The following TUT1 variants were observed in gnomAD, a reference collection of about 807,000 sequenced individuals.
The protein encoded by TUT1 is terminal uridylyl transferase 1, U6 snRNA-specific.
TUT1 carries 26 observed loss-of-function variants against 48.8 expected under a neutral mutation model. The ratio of observed to expected loss-of-function variants is 0.53; its 90% confidence interval spans 0.39 to 0.74. The LOEUF is 0.74. Ranked by LOEUF, TUT1 falls within the 30% of genes least tolerant of loss-of-function variation. The pLI, the probability that TUT1 is intolerant of heterozygous loss-of-function variation, is 0.00. For missense variants in TUT1, 1,065 were observed against 1,114.8 expected, an observed-to-expected ratio of 0.96 and a Z score of 0.64; for synonymous variants, 470 against 460.8, an observed-to-expected ratio of 1.02 and a Z score of -0.26.
intron 1 of TUT1, among the ~76,000 whole-genome samples, chr11:62,590,411 C>A (rs561443103): frequency 6.6e-6 from 1 of 151,944 alleles, no homozygotes; most frequent in Non-Finnish European, 1.5e-5. Flanking sequence ...CCGAGGCGGG[C>A]GGGTCACGAG....
chr11:62,575,623 A>C lies in TUT1; in HGVS notation c.2096T>G (p.Met699Arg), dbSNP rs751601557. ...VEEMVIEVGE[M>R]VQDWAMQSPG... ...GCTCTGCATGGCCCAGTCCTGCACC[A>C]TCTCTCCAACCTCTATAACCATCTC... The change falls in exon 9 of 9, where the codon ATG (methionine) becomes AGG (arginine). Residue 699 changes from methionine (M) to arginine (R), a missense_variant. Coordinates refer to ENST00000476907, the MANE Select transcript of TUT1 (RefSeq NM_022830.3). The C allele has an allele frequency of 5.0e-6, 8 of 1,614,104 alleles. No homozygotes were observed. Among genetic ancestry groups the C allele is most frequent in the Non-Finnish European group, 6.8e-6 (8 of 1,180,014 alleles).
Position 62,575,976 on chromosome 11 carries a change from G to C in TUT1, c.1743C>G (p.Arg581=). 2 of 1,614,098 alleles carry C rather than the reference G, an allele frequency of 1.2e-6. No individual in the cohort carries two copies. The highest frequency in any genetic ancestry group is 1.7e-6 in the Non-Finnish European group (2 of 1,180,038). Residue 581 remains arginine, a synonymous_variant, in exon 9 of 9, where the codon CGC becomes CGG. Coordinates refer to ENST00000476907, the MANE Select transcript of TUT1 (RefSeq NM_022830.3). ...ANYCRSLQYQ[R]RSSRGRDWGL... is the part of the protein sequence containing the mutation. The stretch of plus-strand genomic sequence containing the variant: ...CCCAGTCCCGACCCCGGGAGGAACG[G>C]CGCTGGTACTGGAGGCTTCGGCAGT...
At chr11:62,579,751 G>A (rs1278133848) in intron 4 of TUT1, among the ~76,000 whole-genome samples, 3 of 143,110 alleles carry the variant, frequency 2.1e-5, no homozygotes, top group African/African-American at 7.8e-5. Context: ...TGCAACCTCC[G>A]CCTCCTGGGT....
At chr11:62,579,181 T>A (rs1485565695) in intron 4 of TUT1, 151 bp from the exon 5 acceptor site, 12 of 500,310 alleles carry the variant, frequency 2.4e-5, no homozygotes, top group East Asian at 3.6e-5. Flanking sequence ...TTTTTTTTTT[T>A]AAAGATAACC....
intron 2 of TUT1, among the ~76,000 whole-genome samples, chr11:62,585,686 C>G (rs1941900785): frequency 6.6e-6 from 1 of 152,182 alleles, no homozygotes; most frequent in Non-Finnish European, 1.5e-5. Context: ...CAAAAATTAG[C>G]CGGGCATGGT....
At position 62,591,441 on chromosome 11, in the gene TUT1, C is replaced by T. The variant is rs1419277699; in HGVS notation, c.45G>A (p.Gly15=). The change falls in exon 1 of 9, where the codon GGG becomes GGA. Residue 15 remains glycine, a synonymous_variant. Transcript: ENST00000476907. The stretch of plus-strand genomic sequence containing the variant: ...TAACGTGGCAGAGGCAGCAGCGGAA[C>T]CCCCCACGCGGCAGCGATTCGACAT... The part of the protein sequence containing the change: ...DSDVESLPRG[G]FRCCLCHVTT... The T allele has an allele frequency of 2.4e-5, 39 of 1,605,046 alleles. No individual in the cohort carries two copies. Among genetic ancestry groups the T allele is most frequent in the Non-Finnish European group, 3.2e-5 (38 of 1,175,842 alleles).
chr11:62,581,461 A>G lies in TUT1; in HGVS notation c.514T>C (p.Leu172=), dbSNP rs781023006. 4 of 1,613,720 alleles carry G rather than the reference A, an allele frequency of 2.5e-6. No individual in the cohort carries two copies. The highest frequency in any genetic ancestry group is 2.2e-5 in the East Asian group (1 of 44,854). The change falls in exon 3 of 9, where the codon TTG becomes CTG. Residue 172 remains leucine, a synonymous_variant. Coordinates refer to ENST00000476907, the MANE Select transcript of TUT1 (RefSeq NM_022830.3). The part of the protein sequence containing the change: ...QMIKLVGLRE[L]SEAERQLRSL... ...CGAAGCTGCCGCTCGGCCTCGGACAACTCCCTCAGCCCCACAAGCTTTATC... is the reference window on the plus strand; with the variant it reads ...CGAAGCTGCCGCTCGGCCTCGGACAGCTCCCTCAGCCCCACAAGCTTTATC...
rs1941826895 is a variant in TUT1 at position 62,581,580 on chromosome 11, T to C, written c.395A>G (p.Gln132Arg). ...RVRPREQKEFQSPASKSPKGA... is the reference protein window; with the variant it reads ...RVRPREQKEFRSPASKSPKGA... ...TTTGGGGGATTTGGAGGCCGGGCTC[T>C]GGAACTCCTTCTGCTCCCGTGGGCG... Residue 132 changes from glutamine (Q) to arginine (R), a missense_variant, in exon 3 of 9, where the codon CAG (glutamine) becomes CGG (arginine). Gln to Arg is a conservative substitution (Grantham distance 43). Coordinates refer to ENST00000476907, the MANE Select transcript of TUT1 (RefSeq NM_022830.3). 6.2e-7 allele frequency: 1 copy of C among 1,609,772 alleles called. No homozygotes were observed. Among genetic ancestry groups the C allele is most frequent in the Admixed American group, 1.7e-5 (1 of 59,246 alleles).
chr11:62,577,125 T>A, intron 6 of TUT1, 57 bp downstream of exon 6: 1 of 1,594,940 alleles, frequency 6.3e-7, no homozygotes, highest in Non-Finnish European at 8.6e-7. Context: ...TCTCCCTGAA[T>A]CCCTGCCTTT....
At chr11:62,589,313 C>T in intron 1 of TUT1, 92 bp from the exon 2 acceptor site, 2 of 1,240,520 alleles carry the variant, frequency 1.6e-6, no homozygotes, top group Non-Finnish European at 2.2e-6. Flanking sequence ...CTGATCCTTC[C>T]AAGCCACAGA....
intron 2 of TUT1, among the ~76,000 whole-genome samples, chr11:62,583,512 T>G (rs1402819932): frequency 1.3e-5 from 2 of 151,722 alleles, no homozygotes; most frequent in South Asian, 2.1e-4. Flanking sequence ...AGGAGGCAAT[T>G]GCTTGAACCC....
chr11:62,575,891 G>C lies in TUT1; in HGVS notation c.1828C>G (p.Pro610Ala). 6.2e-7 allele frequency: 1 copy of C among 1,614,200 alleles called. No individual in the cohort carries two copies. The highest frequency in any genetic ancestry group is 1.1e-5 in the South Asian group (1 of 91,084). Reference protein sequence around the residue: ...PSSLLSATPIPLPLAPFTQLT... With the variant: ...PSSLLSATPIALPLAPFTQLT... ...TGGGTGAAGGGTGCAAGGGGTAAAGGGATCGGCGTAGCAGAGAGCAGGGAG... is the reference window on the plus strand; with the variant it reads ...TGGGTGAAGGGTGCAAGGGGTAAAGCGATCGGCGTAGCAGAGAGCAGGGAG... The change falls in exon 9 of 9, where the codon CCT (proline) becomes GCT (alanine). Residue 610 changes from proline to alanine, a missense_variant. Physicochemically the swap from Pro to Ala is conservative, Grantham distance 27. Transcript: ENST00000476907.
At chr11:62,585,525 A>T (rs1941897108) in intron 2 of TUT1, among the ~76,000 whole-genome samples, 1 of 150,954 alleles carries the variant, frequency 6.6e-6, no homozygotes, top group African/African-American at 2.4e-5. Flanking sequence ...GGAGGGCAGG[A>T]CTGGCAGATT....
intron 2 of TUT1, among the ~76,000 whole-genome samples, chr11:62,582,952 C>A (rs1941855635): frequency 6.6e-6 from 1 of 151,712 alleles, no homozygotes; most frequent in Non-Finnish European, 1.5e-5. Flanking sequence ...CATGGTGAAA[C>A]CCCGTCTCTA....
Position 62,575,336 on chromosome 11 carries a change from C to G in TUT1, c.2383G>C (p.Gly795Arg). ...CACCCTGCTCTTGTGCCAGCGCCAC[C>G]TCCAGCTCCCTCCTTGGTTTGCTGC... ...LQQQTKEGAG[G>R]GAGTRAGWLA... The change falls in exon 9 of 9, where the codon GGT becomes CGT. Residue 795 changes from glycine (G) to arginine (R), a missense_variant. By Grantham distance (125) the Gly-to-Arg change is moderately radical. Coordinates refer to ENST00000476907, the MANE Select transcript of TUT1 (RefSeq NM_022830.3). The G allele has an allele frequency of 6.2e-7, 1 of 1,614,122 alleles. No individual in the cohort carries two copies. Among genetic ancestry groups the G allele is most frequent in the Non-Finnish European group, 8.5e-7 (1 of 1,180,018 alleles).
intron 2 of TUT1, 131 bp downstream of exon 2, chr11:62,588,900 G>A: frequency 1.3e-6 from 1 of 750,650 alleles, no homozygotes; most frequent in Non-Finnish European, 2.1e-6. Context: ...CACCATGTTG[G>A]CCAGGCTGGT....
chr11:62,583,084 C>T (rs1404700904), intron 2 of TUT1, among the ~76,000 whole-genome samples: 5 of 146,670 alleles, frequency 3.4e-5, no homozygotes, highest in Admixed American at 2.8e-4. Context: ...GCTGAGATGG[C>T]GCCACTGCAC....
chr11:62,591,396 C>G lies in TUT1; in HGVS notation c.82+8G>C. 1 of 1,561,638 alleles carries G rather than the reference C, an allele frequency of 6.4e-7. No individual in the cohort carries two copies. Among genetic ancestry groups the G allele is most frequent in the Non-Finnish European group, 8.7e-7 (1 of 1,153,664 alleles). Reference sequence around the variant, plus strand: ...CCACCCCCGGGTCCCTCACTAGCCACCGCTTACGGTTGGCTGTAGTAACGT... The same window carrying G: ...CCACCCCCGGGTCCCTCACTAGCCAGCGCTTACGGTTGGCTGTAGTAACGT... On this transcript the variant is annotated splice_region_variant and intron_variant, in intron 1 of 8. Transcript: ENST00000476907.
At chr11:62,579,579 CT>C (rs1442107991) in intron 4 of TUT1, among the ~76,000 whole-genome samples, 1 of 151,936 alleles carries the variant, frequency 6.6e-6, no homozygotes, top group Non-Finnish European at 1.5e-5. Flanking sequence ...TTTAAAACTC[CT>C]GTTGCGGGGG....
Sources: gnomAD v4.1 joint callset for allele counts (sites outside exome capture counted in the v4.1 genomes callset) on GRCh38, gnomAD v4.1.1 for gene constraint, MANE v1.5 for transcripts, NCBI Gene and HGNC (gene_info 2026-07-23, HGNC 2026-07-21) for gene names.